Variants in EYS observed in about 807,000 individuals in gnomAD.
EYS encodes the protein protein eyes shut homolog.
In EYS, 250 loss-of-function variants were observed where a neutral mutation model predicts 282.1. That is an observed-to-expected ratio of 0.89 (90% CI 0.80 to 0.98). EYS has a LOEUF of 0.98. EYS is among the 50% of genes least tolerant of loss of function. The pLI, the probability that EYS is intolerant of heterozygous loss-of-function variation, is 0.00. For synonymous variants in EYS, 1,355 were observed against 1,282.9 expected, an observed-to-expected ratio of 1.06 and a Z score of -1.20; for missense variants, 4,016 against 3,709.0, an observed-to-expected ratio of 1.08 and a Z score of -2.15.
intron 35 of EYS, among the ~76,000 whole-genome samples, chr6:63,962,442 G>T (rs1000416423): frequency 1.3e-5 from 2 of 152,094 alleles, no homozygotes; most frequent in African/African-American, 4.8e-5. Flanking sequence ...ATCAAAAAGT[G>T]GGCAAAGGAT....
At chr6:64,990,854 G>A (rs1205134263) in intron 14 of EYS, among the ~76,000 whole-genome samples, 2 of 151,578 alleles carry the variant, frequency 1.3e-5, no homozygotes, top group Admixed American at 1.3e-4. Flanking sequence ...GTTTACTCAG[G>A]TGAATCAACA....
chr6:63,740,639 G>C (rs1769052072), intron 41 of EYS, among the ~76,000 whole-genome samples: 1 of 152,170 alleles, frequency 6.6e-6, no homozygotes. Flanking sequence ...ATAAGGGATG[G>C]ATCTATTTTA....
At chr6:63,967,883 G>A (rs993215549) in intron 35 of EYS, among the ~76,000 whole-genome samples, 5 of 152,020 alleles carry the variant, frequency 3.3e-5, no homozygotes, top group Non-Finnish European at 5.9e-5. Context: ...ATCCTAGCTC[G>A]TATTGGTATC....
chr6:65,296,148 T>C (rs1213398557), intron 11 of EYS, 29 bp from the exon 12 acceptor site: 52 of 1,526,704 alleles, frequency 3.4e-5, no homozygotes, highest in Non-Finnish European at 4.3e-5. Context: ...AAAAACCCAA[T>C]TAGTCATATA....
chr6:65,629,529 G>A (rs552461329), intron 2 of EYS, among the ~76,000 whole-genome samples: 5 of 152,212 alleles, frequency 3.3e-5, no homozygotes, highest in Admixed American at 6.5e-5. Flanking sequence ...ATGCCAACCC[G>A]AAAACCCCAC....
At chr6:64,873,954 C>T (rs2150055829) in intron 19 of EYS, among the ~76,000 whole-genome samples, 1 of 152,066 alleles carries the variant, frequency 6.6e-6, no homozygotes, top group South Asian at 2.1e-4. Flanking sequence ...TCTTTGCTTT[C>T]TAATGGATTA....
intron 19 of EYS, among the ~76,000 whole-genome samples, chr6:64,859,490 C>T (rs2150047301): frequency 6.6e-6 from 1 of 151,996 alleles, no homozygotes; most frequent in South Asian, 2.1e-4. Flanking sequence ...GAGTCTCTAC[C>T]CAAATCTCAT....
Position 64,579,452 on chromosome 6 carries a change from C to A in EYS, c.5644+10771G>T, listed in dbSNP as rs1289828674. On this transcript the variant is annotated intron_variant, in intron 26 of 42. Coordinates refer to ENST00000503581, the MANE Select transcript of EYS (RefSeq NM_001142800.2). ...TGTATAGAGACCAAATCTTCAACCC[C>A]AGATCATTCTCATGTATGAAGCAGG... 2.0e-5 allele frequency among the ~76,000 whole-genome samples: 3 copies of A among 152,108 alleles called. No individual in the cohort carries two copies. The East Asian group carries it at 5.8e-4, about 29-fold the overall frequency.
chr6:64,448,378 C>G (rs921189149), intron 26 of EYS, among the ~76,000 whole-genome samples: 3 of 152,232 alleles, frequency 2.0e-5, no homozygotes, highest in African/African-American at 7.2e-5. Context: ...ATGGGTGGAG[C>G]CCACCACAGC....
At position 64,442,737 on chromosome 6, in the gene EYS, T is replaced by C. The variant is rs1018172372; in HGVS notation, c.5645-3385A>G. 2.0e-5 allele frequency among the ~76,000 whole-genome samples: 3 copies of C among 152,198 alleles called. No individual in the cohort carries two copies. In the East Asian group the frequency reaches 5.8e-4, roughly 29 times the overall value. On this transcript the variant is annotated intron_variant, in intron 26 of 42. Coordinates refer to ENST00000503581, the MANE Select transcript of EYS (RefSeq NM_001142800.2). ...GGTGGAAGCCCCAAGCCTTGGAAGC[T>C]TCCATGTGGTGTTGAGCCTGCAGGT...
At chr6:63,763,919 G>T (rs983142776) in intron 40 of EYS, among the ~76,000 whole-genome samples, 3 of 140,468 alleles carry the variant, frequency 2.1e-5, no homozygotes, top group Non-Finnish European at 4.6e-5. Flanking sequence ...ACTGTTGTTT[G>T]TCAGGGCACC....
At chr6:64,306,424 AC>A (rs1353442970) in intron 30 of EYS, among the ~76,000 whole-genome samples, 4 of 152,176 alleles carry the variant, frequency 2.6e-5, no homozygotes, top group Non-Finnish European at 5.9e-5. Context: ...CAGGGAAGAA[AC>A]AAAATTTTAA....
At chr6:64,880,982 G>C (rs181492395) in intron 19 of EYS, among the ~76,000 whole-genome samples, 4 of 151,392 alleles carry the variant, frequency 2.6e-5, no homozygotes, top group African/African-American at 9.7e-5. Context: ...AACTTTGAGA[G>C]TTAAATCCTC....
intron 5 of EYS, among the ~76,000 whole-genome samples, chr6:65,479,860 A>C (rs1036702066): frequency 1.3e-5 from 2 of 152,118 alleles, no homozygotes; most frequent in African/African-American, 4.8e-5. Context: ...TACATGGAAA[A>C]AAATTTTAAA....
At chr6:64,459,878 T>C (rs1775686319) in intron 26 of EYS, among the ~76,000 whole-genome samples, 1 of 151,994 alleles carries the variant, frequency 6.6e-6, no homozygotes, top group Admixed American at 6.6e-5. Context: ...AACAATACTT[T>C]GCATCCTTCA....
At chr6:64,678,229 A>T (rs893124251) in intron 22 of EYS, among the ~76,000 whole-genome samples, 1 of 152,104 alleles carries the variant, frequency 6.6e-6, no homozygotes, top group East Asian at 1.9e-4. Context: ...CTTACTTACT[A>T]TTTTTGATAC....
At chr6:65,627,094 C>T (rs943499738) in intron 2 of EYS, among the ~76,000 whole-genome samples, 7 of 151,152 alleles carry the variant, frequency 4.6e-5, no homozygotes, top group African/African-American at 1.5e-4. Flanking sequence ...TATTGATTAC[C>T]TGAAATTGGT....
chr6:64,712,770 T>C (rs1771253618), intron 22 of EYS, among the ~76,000 whole-genome samples: 1 of 152,130 alleles, frequency 6.6e-6, no homozygotes, highest in Non-Finnish European at 1.5e-5. Context: ...GCAAGTTATC[T>C]CAAAGCATGG....
At chr6:65,606,074 T>G (rs1765777792) in intron 2 of EYS, among the ~76,000 whole-genome samples, 1 of 151,708 alleles carries the variant, frequency 6.6e-6, no homozygotes, top group East Asian at 1.9e-4. Context: ...AGTTAAAAAC[T>G]ACCAATAGTC....
Sources: gnomAD v4.1 joint callset for allele counts (sites outside exome capture counted in the v4.1 genomes callset) on GRCh38, gnomAD v4.1.1 for gene constraint, MANE v1.5 for transcripts, NCBI Gene and HGNC (gene_info 2026-07-23, HGNC 2026-07-21) for gene names.